The following PTPRD variants were observed in gnomAD, a reference collection of about 807,000 sequenced individuals.
PTPRD encodes the protein receptor-type tyrosine-protein phosphatase delta.
Under a neutral mutation model 214.5 loss-of-function variants are expected in PTPRD, and 34 were observed. That is an observed-to-expected ratio of 0.16 (90% CI 0.12 to 0.21). PTPRD has a LOEUF of 0.21. Ranked by LOEUF, PTPRD falls within the 10% of genes least tolerant of loss-of-function variation. The pLI is 1.00. For missense variants in PTPRD, 2,545 were observed against 2,398.7 expected (o/e 1.06, Z -1.27); for synonymous variants, 1,128 against 845.7 (o/e 1.33, Z -5.79).
chr9:9,926,000 T>C (rs2084168362), intron 5 of PTPRD, among the ~76,000 whole-genome samples: 1 of 152,036 alleles, frequency 6.6e-6, no homozygotes, highest in Non-Finnish European at 1.5e-5. Context: ...AGAAAATTTT[T>C]TTTAAGTTTT....
chr9:10,315,372 T>A (rs2096393896), intron 3 of PTPRD, among the ~76,000 whole-genome samples: 1 of 151,908 alleles, frequency 6.6e-6, no homozygotes, highest in Non-Finnish European at 1.5e-5. Context: ...GGACCTAATA[T>A]CATAAATGTC....
chr9:10,313,536 C>T (rs1287798366), intron 3 of PTPRD, among the ~76,000 whole-genome samples: 3 of 151,796 alleles, frequency 2.0e-5, no homozygotes, highest in Non-Finnish European at 4.4e-5. Context: ...ATTTAAAATC[C>T]TGCATATAGC....
At chr9:8,568,117 A>C (rs1266247857) in intron 14 of PTPRD, among the ~76,000 whole-genome samples, 3 of 152,164 alleles carry the variant, frequency 2.0e-5, no homozygotes, top group Non-Finnish European at 4.4e-5. Flanking sequence ...ACTGCAAATT[A>C]ATCATTAATA....
chr9:8,417,962 CTG>C (rs2094067972), intron 35 of PTPRD, among the ~76,000 whole-genome samples: 1 of 152,126 alleles, frequency 6.6e-6, no homozygotes, highest in African/African-American at 2.4e-5. Flanking sequence ...CTATTGCACT[CTG>C]TGTCTACATT....
chr9:9,044,555 G>A (rs564428247), intron 10 of PTPRD, among the ~76,000 whole-genome samples: 62 of 152,232 alleles, frequency 4.1e-4, no homozygotes, highest in African/African-American at 1.4e-3. Context: ...TCCATGGCAG[G>A]GGCAAGTGTA....
At chr9:10,221,577 T>G (rs568003093) in intron 3 of PTPRD, among the ~76,000 whole-genome samples, 3 of 152,046 alleles carry the variant, frequency 2.0e-5, no homozygotes, top group Non-Finnish European at 4.4e-5. Flanking sequence ...TAGGAATGCA[T>G]TTATTTTTAT....
At chr9:8,775,833 T>G (rs2095448736) in intron 11 of PTPRD, among the ~76,000 whole-genome samples, 1 of 107,802 alleles carries the variant, frequency 9.3e-6, no homozygotes. Flanking sequence ...AAAATAAAAT[T>G]TGAAAATGGA....
At chr9:9,219,400 C>G (rs1203569375) in intron 9 of PTPRD, among the ~76,000 whole-genome samples, 1 of 129,164 alleles carries the variant, frequency 7.7e-6, no homozygotes, top group Non-Finnish European at 1.6e-5. Context: ...GATAATGCAT[C>G]TTCTGTGCTT....
At chr9:8,670,427 T>G (rs550373820) in intron 12 of PTPRD, among the ~76,000 whole-genome samples, 1 of 152,158 alleles carries the variant, frequency 6.6e-6, no homozygotes, top group Non-Finnish European at 1.5e-5. Context: ...GTATGGATTA[T>G]AGTCTACATG....
chr9:9,871,215 A>G (rs1412312685), intron 5 of PTPRD, among the ~76,000 whole-genome samples: 1 of 152,204 alleles, frequency 6.6e-6, no homozygotes, highest in Non-Finnish European at 1.5e-5. Flanking sequence ...AATAGAATAA[A>G]CCAATTACAA....
intron 7 of PTPRD, among the ~76,000 whole-genome samples, chr9:9,590,030 A>C (rs2092553528): frequency 6.6e-6 from 1 of 152,054 alleles, no homozygotes; most frequent in African/African-American, 2.4e-5. Flanking sequence ...TTGTATAAGA[A>C]TGTAACTTCT....
intron 3 of PTPRD, among the ~76,000 whole-genome samples, chr9:10,138,405 A>G (rs1478172693): frequency 6.6e-6 from 1 of 151,952 alleles, no homozygotes; most frequent in Non-Finnish European, 1.5e-5. Flanking sequence ...ATACTCTAGC[A>G]ACAACAAAAC....
chr9:10,123,214 G>C (rs1052467123), intron 3 of PTPRD, among the ~76,000 whole-genome samples: 2 of 152,328 alleles, frequency 1.3e-5, no homozygotes, highest in African/African-American at 4.8e-5. Context: ...CTACATAGGT[G>C]CTCCTTCCTA....
chr9:10,083,407 G>A (rs563201953), intron 3 of PTPRD, among the ~76,000 whole-genome samples: 4 of 152,014 alleles, frequency 2.6e-5, no homozygotes, highest in Non-Finnish European at 5.9e-5. Context: ...AAAAGGGCAT[G>A]ACATGATACA....
chr9:9,974,206 C>T (rs972649460), intron 4 of PTPRD, among the ~76,000 whole-genome samples: 4 of 152,122 alleles, frequency 2.6e-5, no homozygotes, highest in East Asian at 3.9e-4. Context: ...ACATATGTAA[C>T]GATTACATAG....
At chr9:10,415,899 A>G (rs1393459185) in intron 2 of PTPRD, among the ~76,000 whole-genome samples, 1 of 151,918 alleles carries the variant, frequency 6.6e-6, no homozygotes, top group African/African-American at 2.4e-5. Context: ...CAGCGGAGAG[A>G]AAGAAATCCA....
At chr9:9,147,726 T>C (rs1055968642) in intron 10 of PTPRD, among the ~76,000 whole-genome samples, 3 of 152,108 alleles carry the variant, frequency 2.0e-5, no homozygotes, top group Admixed American at 6.6e-5. Flanking sequence ...ATTTACTATT[T>C]GGCCCTTTAT....
chr9:8,857,962 C>T (rs1481396485), intron 11 of PTPRD, among the ~76,000 whole-genome samples: 2 of 149,082 alleles, frequency 1.3e-5, no homozygotes, highest in Non-Finnish European at 3.0e-5. Context: ...GCCTCCTCCT[C>T]CTCTTCCCGG....
At chr9:8,624,943 C>A (rs1242672078) in intron 14 of PTPRD, among the ~76,000 whole-genome samples, 2 of 151,796 alleles carry the variant, frequency 1.3e-5, no homozygotes, top group East Asian at 3.9e-4. Flanking sequence ...TCATTCTTAC[C>A]CAAATGGTCT....
Sources: allele counts gnomAD v4.1 joint callset (sites outside exome capture counted in the v4.1 genomes callset), GRCh38; gene constraint gnomAD v4.1.1; transcripts MANE v1.5; gene names NCBI Gene and HGNC (gene_info 2026-07-23, HGNC 2026-07-21).